Variants in ENPEP observed in about 807,000 individuals in gnomAD.
ENPEP encodes AP-A.
ENPEP carries 103 observed loss-of-function variants against 114.5 expected under a neutral mutation model. The observed-to-expected ratio is 0.90, with a 90% CI of 0.77 to 1.06. The LOEUF (loss-of-function observed/expected upper bound fraction) is 1.06. Ranked by LOEUF, ENPEP falls within the 50% of genes least tolerant of loss-of-function variation. ENPEP has a pLI of 0.00. For synonymous variants in ENPEP, 420 were observed against 422.0 expected (o/e 1.00, Z 0.06); for missense variants, 1,196 against 1,161.3 (o/e 1.03, Z -0.43).
intron 18 of ENPEP, among the ~76,000 whole-genome samples, chr4:110,558,450 G>A (rs1004577898): frequency 4.0e-5 from 6 of 151,566 alleles, no homozygotes; most frequent in Non-Finnish European, 7.4e-5. Flanking sequence ...ACACCACCAC[G>A]TGCCCAGCTA....
chr4:110,507,676 A>G (rs77543051), intron 4 of ENPEP, among the ~76,000 whole-genome samples: 2,174 of 152,338 alleles, frequency 0.014, 58 homozygotes, highest in African/African-American at 0.049. Flanking sequence ...ACAAGTTTTC[A>G]TCAAAATCAG....
intron 13 of ENPEP, among the ~76,000 whole-genome samples, chr4:110,543,466 C>G (rs924093814): frequency 6.6e-6 from 1 of 151,968 alleles, no homozygotes; most frequent in African/African-American, 2.4e-5. Flanking sequence ...GATTTTATGG[C>G]TAGAATTGTC....
intron 13 of ENPEP, among the ~76,000 whole-genome samples, chr4:110,547,850 GT>G (rs1180009570): frequency 6.6e-6 from 1 of 151,946 alleles, no homozygotes; most frequent in African/African-American, 2.4e-5. Context: ...AAATTTAAAA[GT>G]TTCTATTTGT....
intron 11 of ENPEP, chr4:110,533,183 A>C: frequency 2.8e-6 from 1 of 363,486 alleles, no homozygotes; most frequent in Non-Finnish European, 5.7e-6. Context: ...CAATTCACCC[A>C]GCACTTTCAT....
At chr4:110,537,249 G>A (rs1050921238) in intron 11 of ENPEP, among the ~76,000 whole-genome samples, 3 of 152,116 alleles carry the variant, frequency 2.0e-5, no homozygotes, top group Non-Finnish European at 4.4e-5. Context: ...TTTGAAGCAT[G>A]CGATGCTGTT....
chr4:110,537,909 T>G (rs947771551), intron 11 of ENPEP, among the ~76,000 whole-genome samples: 2 of 152,212 alleles, frequency 1.3e-5, no homozygotes, highest in Admixed American at 6.5e-5. Context: ...TAAGCAGTAC[T>G]ATTTTGAAAG....
chr4:110,486,577 GT>G (rs1724506305), intron 1 of ENPEP, among the ~76,000 whole-genome samples: 1 of 152,048 alleles, frequency 6.6e-6, no homozygotes, highest in African/African-American at 2.4e-5. Context: ...CCAAGAGATT[GT>G]GACCACTCTA....
intron 4 of ENPEP, 144 bp from the exon 5 acceptor site, chr4:110,509,509 C>A: frequency 1.9e-6 from 2 of 1,046,318 alleles, no homozygotes; most frequent in Non-Finnish European, 1.3e-6. Flanking sequence ...CTGAAATGTT[C>A]GCACACATGA....
chr4:110,547,463 A>G (rs553594973), intron 13 of ENPEP, among the ~76,000 whole-genome samples: 1 of 152,156 alleles, frequency 6.6e-6, no homozygotes, highest in East Asian at 1.9e-4. Context: ...TTCTTGTACT[A>G]GTGGTTTCTT....
At chr4:110,521,541 T>C (rs1725990360) in intron 10 of ENPEP, among the ~76,000 whole-genome samples, 1 of 151,976 alleles carries the variant, frequency 6.6e-6, no homozygotes. Flanking sequence ...ATGAAAAAAT[T>C]TGGAAGGATA....
chr4:110,518,773 G>A (rs995026765), intron 8 of ENPEP, among the ~76,000 whole-genome samples: 5 of 152,130 alleles, frequency 3.3e-5, no homozygotes, highest in African/African-American at 1.2e-4. Context: ...AAATGTGGGA[G>A]CTTTATTAAA....
chr4:110,511,948 G>A (rs1368706089), intron 6 of ENPEP, among the ~76,000 whole-genome samples: 2 of 152,016 alleles, frequency 1.3e-5, no homozygotes, highest in East Asian at 1.9e-4. Flanking sequence ...ATTTTTAGTA[G>A]AGATGGGGTT....
intron 8 of ENPEP, among the ~76,000 whole-genome samples, chr4:110,517,191 C>T (rs1280089704): frequency 2.0e-5 from 3 of 152,068 alleles, no homozygotes; most frequent in Non-Finnish European, 2.9e-5. Context: ...CCGCCCGCCT[C>T]GGCCTCCCAA....
At position 110,515,352 on chromosome 4, in the gene ENPEP, A is replaced by G. The variant is rs7356493; in HGVS notation, c.1444-25A>G. ...TCCTTACATAGCCTTTATTAGTTTC[A>G]TTTGTCTTTTTATCCCCATTGTAGG... is the stretch of plus-strand genomic sequence containing the variant. On this transcript the variant is annotated intron_variant, in intron 7 of 19. Coordinates refer to ENST00000265162, the MANE Select transcript of ENPEP (RefSeq NM_001977.4). 0.01 allele frequency: 16,027 copies of G among 1,589,226 alleles called. 805 individuals are homozygous for G. In the African/African-American group the frequency reaches 0.13, roughly 13 times the overall value.
intron 4 of ENPEP, among the ~76,000 whole-genome samples, chr4:110,508,661 A>G (rs1725461995): frequency 6.6e-6 from 1 of 152,052 alleles, no homozygotes; most frequent in African/African-American, 2.4e-5. Flanking sequence ...AATTCAAAAA[A>G]TTAGCCAGGC....
chr4:110,508,307 CT>C (rs1416985135), intron 4 of ENPEP, among the ~76,000 whole-genome samples: 3 of 150,608 alleles, frequency 2.0e-5, no homozygotes, highest in African/African-American at 7.3e-5. Context: ...CAAAAAATTC[CT>C]TTTGTTCAAG....
At chr4:110,524,895 AC>A (rs889876503) in intron 10 of ENPEP, among the ~76,000 whole-genome samples, 12 of 152,262 alleles carry the variant, frequency 7.9e-5, no homozygotes, top group African/African-American at 2.4e-4. Context: ...AGTAACTGGG[AC>A]TACAGGTGCT....
At chr4:110,532,870 A>T (rs980961995) in intron 11 of ENPEP, among the ~76,000 whole-genome samples, 20 of 152,184 alleles carry the variant, frequency 1.3e-4, no homozygotes, top group Non-Finnish European at 2.5e-4. Context: ...CTGTGTTTCA[A>T]TGCGAGGCTC....
intron 1 of ENPEP, 33 bp from the exon 2 acceptor site, chr4:110,488,508 T>G (rs555860426): frequency 6.4e-7 from 1 of 1,572,210 alleles, no homozygotes; most frequent in Non-Finnish European, 8.6e-7. Context: ...AGAGGCAGCA[T>G]GCATTTCGTT....
Sources: allele counts gnomAD v4.1 joint callset (sites outside exome capture counted in the v4.1 genomes callset), GRCh38; gene constraint gnomAD v4.1.1; transcripts MANE v1.5; gene names NCBI Gene and HGNC (gene_info 2026-07-23, HGNC 2026-07-21).